SMOC2: variants seen among roughly 807,000 people sequenced by gnomAD.
SMOC2 encodes SPARC-related modular calcium-binding protein 2.
Under a neutral mutation model 61.4 loss-of-function variants are expected in SMOC2, and 39 were observed. The ratio of observed to expected loss-of-function variants is 0.64; its 90% confidence interval spans 0.49 to 0.83. SMOC2 has a LOEUF of 0.83. Among genes scored for constraint, SMOC2 ranks in the 40% least tolerant of loss-of-function variants. The probability of loss-of-function intolerance (pLI) is 0.00; values close to 1 mark genes in which losing one functional copy is unlikely to be tolerated. For synonymous variants in SMOC2, 247 were observed against 239.9 expected (o/e 1.03, Z -0.27); for missense variants, 556 against 592.9 (o/e 0.94, Z 0.65).
intron 9 of SMOC2, among the ~76,000 whole-genome samples, chr6:168,610,971 C>T (rs76854762): frequency 1.3e-5 from 2 of 151,658 alleles, no homozygotes; most frequent in African/African-American, 4.9e-5. Flanking sequence ...CTTAAACCAG[C>T]CCTTCCTAAA....
chr6:168,441,509 G>A lies in SMOC2; in HGVS notation c.84+55G>A, dbSNP rs908719053. 4 of 1,441,136 alleles carry A rather than the reference G, an allele frequency of 2.8e-6. No homozygotes were observed. The East Asian group carries it at 9.2e-5, about 33-fold the overall frequency. 89.3% of individuals were successfully genotyped at this position (1,441,136 alleles called of 1,614,324 possible). A position where few individuals can be genotyped will look rare whatever the true frequency, so the allele number is the denominator to read the frequency against. ...CAAGTGGTGCCGCCTCTTGCAGCCG[G>A]CCGGGTTCGGGTCCCCGCGCCCCGC... On this transcript the variant is annotated intron_variant, in intron 1 of 12. Transcript: ENST00000356284.
At chr6:168,541,401 G>A (rs973537917) in intron 4 of SMOC2, among the ~76,000 whole-genome samples, 5 of 152,154 alleles carry the variant, frequency 3.3e-5, no homozygotes, top group African/African-American at 1.2e-4. Flanking sequence ...CCCCTTTTCT[G>A]CAAGTACAGC....
In SMOC2 at chr6:168,543,673, G is replaced by GT; in HGVS notation, c.511+2dup. ...CAACGCGAAGGCACAGGAAAAACAG[G>GT]TAACTATCTTAGAATAAATGTCTAT... On this transcript the variant is annotated splice_donor_variant, in intron 5 of 12. Coordinates refer to ENST00000356284, the MANE Select transcript of SMOC2 (RefSeq NM_001166412.2). LOFTEE classifies it high-confidence loss of function. 6.2e-7 allele frequency: 1 copy of GT among 1,612,746 alleles called. No individual in the cohort carries two copies. Among genetic ancestry groups the GT allele is most frequent in the Non-Finnish European group, 8.5e-7 (1 of 1,178,890 alleles).
chr6:168,495,910 G>A (rs963543026), intron 1 of SMOC2, among the ~76,000 whole-genome samples: 3 of 152,202 alleles, frequency 2.0e-5, no homozygotes, highest in African/African-American at 7.2e-5. Flanking sequence ...GAGCGGTCAG[G>A]GCCGGGCCGA....
chr6:168,512,372 C>T (rs1783029139), intron 2 of SMOC2, among the ~76,000 whole-genome samples: 1 of 152,150 alleles, frequency 6.6e-6, no homozygotes, highest in Admixed American at 6.5e-5. Context: ...CCCAGCGTCA[C>T]CAGCACGATT....
intron 8 of SMOC2, among the ~76,000 whole-genome samples, chr6:168,606,603 C>T (rs528679160): frequency 1.3e-5 from 2 of 151,904 alleles, no homozygotes; most frequent in South Asian, 4.2e-4. Flanking sequence ...AGCATGTAAG[C>T]AATGAAAAAA....
intron 11 of SMOC2, among the ~76,000 whole-genome samples, chr6:168,660,678 A>C (rs76349326): frequency 0.096 from 14,630 of 152,280 alleles, 1,131 homozygotes; most frequent in East Asian, 0.43. Flanking sequence ...GCAGAGAAGC[A>C]TGAGAGGCTG....
chr6:168,532,332 T>C (rs752720374), intron 4 of SMOC2, among the ~76,000 whole-genome samples: 6 of 152,168 alleles, frequency 3.9e-5, no homozygotes, highest in Non-Finnish European at 7.3e-5. Context: ...CGTCCTGGGA[T>C]TGGGGGCCAG....
chr6:168,604,450 A>G lies in SMOC2; in HGVS notation c.825-3707A>G, dbSNP rs111541008. On this transcript the variant is annotated intron_variant, in intron 8 of 12. Coordinates refer to ENST00000356284, the MANE Select transcript of SMOC2 (RefSeq NM_001166412.2). ...TATCTGATAAGCCACAGCCAGCTTC[A>G]CCATTCCTCATCTCCCAGTGATTCT... Among the ~76,000 whole-genome samples the G allele has an allele frequency of 8.7e-3, 1,321 of 152,248 alleles. 21 individuals are homozygous for G. The highest frequency in any genetic ancestry group is 0.028 in the African/African-American group (1,149 of 41,552).
Position 168,510,140 on chromosome 6 carries a change from G to A in SMOC2, c.256+54G>A. The A allele has an allele frequency of 5.8e-6, 9 of 1,540,126 alleles. No homozygotes were observed. In the South Asian group the frequency reaches 1.0e-4, roughly 18 times the overall value. ...AGATGGGTACATCCATCATCAAAAT[G>A]AATGCAAACATATTTTCATACTTGA... On this transcript the variant is annotated intron_variant, in intron 2 of 12. Coordinates refer to ENST00000356284, the MANE Select transcript of SMOC2 (RefSeq NM_001166412.2).
intron 1 of SMOC2, among the ~76,000 whole-genome samples, chr6:168,493,665 A>G (rs1270605823): frequency 5.3e-5 from 8 of 152,244 alleles, no homozygotes; most frequent in Admixed American, 5.2e-4. Context: ...ATATATTAAT[A>G]TCAACATTTT....
At position 168,616,315 on chromosome 6, in the gene SMOC2, C is replaced by T. The variant is rs79244013; in HGVS notation, c.907+8076C>T. Among the ~76,000 whole-genome samples the T allele has an allele frequency of 5.4e-4, 82 of 152,332 alleles. No individual in the cohort carries two copies. In the East Asian group the frequency reaches 9.1e-3, roughly 17 times the overall value. ...TATCTGCACTCTGTGTCCATACAGG[C>T]TCACGCCAGAACCAGCTGCTCAGGG... On this transcript the variant is annotated intron_variant, in intron 9 of 12. Coordinates refer to ENST00000356284, the MANE Select transcript of SMOC2 (RefSeq NM_001166412.2).
intron 2 of SMOC2, among the ~76,000 whole-genome samples, chr6:168,525,842 G>C (rs953633191): frequency 6.6e-6 from 1 of 152,282 alleles, no homozygotes; most frequent in East Asian, 1.9e-4. Context: ...GTCCCACCGC[G>C]TGCGTCCTGA....
intron 7 of SMOC2, among the ~76,000 whole-genome samples, chr6:168,565,094 G>T (rs1784513404): frequency 6.6e-6 from 1 of 152,246 alleles, no homozygotes; most frequent in Non-Finnish European, 1.5e-5. Context: ...CTGAAATTCA[G>T]ATTGAACCTG....
intron 9 of SMOC2, among the ~76,000 whole-genome samples, chr6:168,618,307 G>A (rs557770166): frequency 5.3e-5 from 8 of 152,236 alleles, no homozygotes; most frequent in East Asian, 1.9e-4. Context: ...AAGAGCCAGC[G>A]TAGTGGCATT....
At chr6:168,545,091 G>A (rs769540327) in intron 5 of SMOC2, among the ~76,000 whole-genome samples, 4 of 152,116 alleles carry the variant, frequency 2.6e-5, no homozygotes, top group South Asian at 2.1e-4. Flanking sequence ...GAACTGAGTC[G>A]AGAAGATAAT....
chr6:168,650,783 G>A lies in SMOC2; in HGVS notation c.1010G>A (p.Arg337Lys). ...TCCGACCCCTCCTCCTCGTCAGGCAGGTACGCTGTGTTCGCCGTGGGACAA... is the reference window on the plus strand; with the variant it reads ...TCCGACCCCTCCTCCTCGTCAGGCAAGTACGCTGTGTTCGCCGTGGGACAA... ...AASDPSSSSGRLSEPDPSHTL... is the reference protein window; with the variant it reads ...AASDPSSSSGKLSEPDPSHTL... The change falls in exon 10 of 13, where the codon AGG becomes AAG. Residue 337 changes from arginine (R) to lysine (K), a missense_variant and splice_region_variant. Arg to Lys is a conservative substitution (Grantham distance 26). Coordinates refer to ENST00000356284, the MANE Select transcript of SMOC2 (RefSeq NM_001166412.2). 1 of 1,609,364 alleles carries A rather than the reference G, an allele frequency of 6.2e-7. No homozygotes were observed. The highest frequency in any genetic ancestry group is 8.5e-7 in the Non-Finnish European group (1 of 1,179,252).
chr6:168,588,505 G>A (rs2115169136), intron 7 of SMOC2, among the ~76,000 whole-genome samples: 1 of 152,216 alleles, frequency 6.6e-6, no homozygotes, highest in East Asian at 1.9e-4. Flanking sequence ...AGGGCTCCAA[G>A]GCCCCACCCC....
chr6:168,622,014 G>T (rs1786259516), intron 9 of SMOC2, among the ~76,000 whole-genome samples: 1 of 151,996 alleles, frequency 6.6e-6, no homozygotes, highest in Admixed American at 6.6e-5. Flanking sequence ...GGCCCAGGCT[G>T]GAGAGCAGTG....
Sources: gnomAD v4.1 joint callset for allele counts (sites outside exome capture counted in the v4.1 genomes callset) on GRCh38, gnomAD v4.1.1 for gene constraint, MANE v1.5 for transcripts, NCBI Gene and HGNC (gene_info 2026-07-23, HGNC 2026-07-21) for gene names.